The following PBLD variants were observed in gnomAD, a reference collection of about 807,000 sequenced individuals.
PBLD encodes the protein phenazine biosynthesis like protein domain containing, also known as phenazine biosynthesis-like domain-containing protein.
In PBLD, 26 loss-of-function variants were observed where a neutral mutation model predicts 31.3. That is an observed-to-expected ratio of 0.83 (90% confidence interval 0.61 to 1.15). The LOEUF (loss-of-function observed/expected upper bound fraction) is 1.15. Among genes scored for constraint, PBLD ranks in the 50% most tolerant of loss-of-function variants. PBLD has a pLI of 0.00. For synonymous variants in PBLD, 114 were observed against 129.0 expected (o/e 0.88, Z 0.79); for missense variants, 307 against 351.7 (o/e 0.87, Z 1.02).
chr10:68,315,538 T>A (rs1161842809), intron 1 of PBLD, among the ~76,000 whole-genome samples: 2 of 146,962 alleles, frequency 1.4e-5, no homozygotes, highest in Non-Finnish European at 3.0e-5. Flanking sequence ...TGAGCCAAGA[T>A]CGCACCACTG....
At chr10:68,285,212 G>A (rs1349708834) in intron 9 of PBLD, 136 bp downstream of exon 9, 2 of 1,530,594 alleles carry the variant, frequency 1.3e-6, no homozygotes, top group Non-Finnish European at 1.8e-6. Flanking sequence ...AAGGGTGAAG[G>A]AATTTTAAAA....
chr10:68,316,212 A>C (rs971128081), intron 1 of PBLD, among the ~76,000 whole-genome samples: 1 of 152,208 alleles, frequency 6.6e-6, no homozygotes, highest in Non-Finnish European at 1.5e-5. Flanking sequence ...TTCCAAAAAC[A>C]AAAGGAAACC....
chr10:68,285,452 C>G (rs2044274695), intron 8 of PBLD, 42 bp from the exon 9 acceptor site: 1 of 1,557,602 alleles, frequency 6.4e-7, no homozygotes, highest in Non-Finnish European at 8.6e-7. Context: ...CCCAAGAAAA[C>G]AGAGGCGATT....
chr10:68,319,106 AGAAAG>A (rs551246011), intron 1 of PBLD, among the ~76,000 whole-genome samples: 2,349 of 136,804 alleles, frequency 0.017, 36 homozygotes, highest in Non-Finnish European at 0.021. Flanking sequence ...AAAGAAAGAA[AGAAAG>A]GAAAAAGAAA....
intron 1 of PBLD, among the ~76,000 whole-genome samples, chr10:68,322,943 G>A (rs768375294): frequency 1.4e-4 from 21 of 151,802 alleles, no homozygotes; most frequent in Non-Finnish European, 2.8e-4. Flanking sequence ...ATCTCACTAT[G>A]TTGCTCAGTC....
In PBLD at chr10:68,285,329, T is replaced by G. The variant is rs375372773; in HGVS notation, c.754+19A>C. The G allele has an allele frequency of 6.2e-7, 1 of 1,613,746 alleles. No individual in the cohort carries two copies. Among genetic ancestry groups the G allele is most frequent in the African/African-American group, 1.3e-5 (1 of 74,904 alleles). ...CGAATTAGGCAAATAAAAAAGAAAT[T>G]GGTAAAGAGCTGTCCTACCATGCAT... On this transcript the variant is annotated intron_variant, in intron 9 of 9. Coordinates refer to ENST00000358769, the MANE Select transcript of PBLD (RefSeq NM_022129.4).
At chr10:68,297,105 G>T in intron 2 of PBLD, 120 bp from the exon 3 acceptor site, 1 of 783,910 alleles carries the variant, frequency 1.3e-6, no homozygotes, top group East Asian at 2.5e-5. Flanking sequence ...CGCTTAAAAG[G>T]AAATAATTAC....
At chr10:68,290,884 T>C (rs919867717) in intron 6 of PBLD, among the ~76,000 whole-genome samples, 2 of 152,202 alleles carry the variant, frequency 1.3e-5, no homozygotes, top group African/African-American at 4.8e-5. Flanking sequence ...ATTATAAGTT[T>C]TTTCCACTTT....
rs756247151 is a variant in PBLD at position 68,296,364 on chromosome 10, C to A, written c.185G>T (p.Ser62Ile). 1 of 1,611,020 alleles carries A rather than the reference C, an allele frequency of 6.2e-7. No homozygotes were observed. The highest frequency in any genetic ancestry group is 1.3e-5 in the African/African-American group (1 of 74,926). ...KLHPTDNFAQ[S>I]SCFGLRWFTP... Reference sequence around the variant, plus strand: ...AAACCATCTCAGTCCAAAGCAGGAACCTGAGGATAGGAAAAGCCAAAGAGA... The same window carrying A: ...AAACCATCTCAGTCCAAAGCAGGAAACTGAGGATAGGAAAAGCCAAAGAGA... The change falls in exon 4 of 10, where the codon AGT becomes ATT. Residue 62 changes from serine to isoleucine, a missense_variant and splice_region_variant. Transcript: ENST00000358769.
intron 1 of PBLD, among the ~76,000 whole-genome samples, chr10:68,309,768 C>A (rs1243333800): frequency 6.8e-6 from 1 of 146,054 alleles, no homozygotes; most frequent in East Asian, 2.1e-4. Context: ...GATCACGCCA[C>A]TGCTCTCCAG....
intron 9 of PBLD, 146 bp from the exon 10 acceptor site, chr10:68,284,435 C>G (rs144172136): frequency 3.1e-6 from 2 of 650,996 alleles, no homozygotes; most frequent in African/African-American, 3.7e-5. Flanking sequence ...ACTGCCCACT[C>G]CCATCCCCAT....
intron 2 of PBLD, among the ~76,000 whole-genome samples, chr10:68,302,411 C>A (rs1173826504): frequency 6.6e-6 from 1 of 152,126 alleles, no homozygotes; most frequent in Non-Finnish European, 1.5e-5. Flanking sequence ...TGAAATATGG[C>A]AACCTGAATA....
chr10:68,297,746 A>C (rs898229098), intron 2 of PBLD, among the ~76,000 whole-genome samples: 1 of 152,182 alleles, frequency 6.6e-6, no homozygotes. Context: ...CAAATGAAGA[A>C]ATTAAACGGA....
intron 1 of PBLD, among the ~76,000 whole-genome samples, chr10:68,319,071 GA>G (rs1363979464): frequency 8.4e-6 from 1 of 119,670 alleles, no homozygotes; most frequent in African/African-American, 3.6e-5. Context: ...AAGAAAGAAA[GA>G]AAGAAAGAAA....
chr10:68,294,481 C>G (rs149450879), intron 4 of PBLD, among the ~76,000 whole-genome samples: 7 of 152,346 alleles, frequency 4.6e-5, no homozygotes, highest in Admixed American at 3.3e-4. Flanking sequence ...GCCAACAGCT[C>G]TCAACTGAGT....
intron 2 of PBLD, among the ~76,000 whole-genome samples, chr10:68,300,798 G>A (rs539262001): frequency 1.3e-5 from 2 of 152,312 alleles, no homozygotes; most frequent in African/African-American, 2.4e-5. Context: ...ACCTAGAAAA[G>A]AGGGGAGATT....
At chr10:68,296,660 AT>A (rs371802837) in intron 3 of PBLD, among the ~76,000 whole-genome samples, 3 of 152,214 alleles carry the variant, frequency 2.0e-5, no homozygotes, top group African/African-American at 7.2e-5. Flanking sequence ...CTTAAAGATC[AT>A]TCCCCCACCT....
At chr10:68,304,185 ATACGTCTAT>A (rs1436744452) in intron 2 of PBLD, among the ~76,000 whole-genome samples, 10 of 152,228 alleles carry the variant, frequency 6.6e-5, no homozygotes, top group Non-Finnish European at 1.0e-4. Flanking sequence ...ACCACCATTT[ATACGTCTAT>A]TATAATTTTT....
At chr10:68,312,436 G>A (rs1327026765) in intron 1 of PBLD, among the ~76,000 whole-genome samples, 1 of 152,052 alleles carries the variant, frequency 6.6e-6, no homozygotes, top group Non-Finnish European at 1.5e-5. Flanking sequence ...GATGATTAGT[G>A]ATACTGAGCA....
Sources: gnomAD v4.1 joint callset for allele counts (sites outside exome capture counted in the v4.1 genomes callset) on GRCh38, gnomAD v4.1.1 for gene constraint, MANE v1.5 for transcripts, NCBI Gene and HGNC (gene_info 2026-07-23, HGNC 2026-07-21) for gene names.